The following JAM3 variants were observed in gnomAD, a reference collection of about 807,000 sequenced individuals.
JAM3 encodes junctional adhesion molecule C.
A neutral mutation model predicts 39.4 loss-of-function variants in JAM3; 31 were observed. The ratio of observed to expected loss-of-function variants is 0.79; its 90% CI spans 0.59 to 1.06. JAM3 has a LOEUF of 1.06. Ranked by LOEUF, JAM3 falls within the 50% of genes least tolerant of loss-of-function variation. JAM3 has a pLI of 0.00. For synonymous variants in JAM3, 182 were observed against 148.7 expected (o/e 1.22, Z -1.63); for missense variants, 455 against 391.4 (o/e 1.16, Z -1.37).
chr11:134,144,450 G>T, intron 4 of JAM3, 57 bp downstream of exon 4: 1 of 1,595,644 alleles, frequency 6.3e-7, no homozygotes, highest in South Asian at 1.1e-5. Context: ...AGATCAGTTA[G>T]TGTCTTGGTT....
At chr11:134,085,437 A>G (rs1362177780) in intron 1 of JAM3, among the ~76,000 whole-genome samples, 3 of 152,248 alleles carry the variant, frequency 2.0e-5, no homozygotes, top group African/African-American at 7.2e-5. Context: ...TATAGAGACT[A>G]AGGAATTAAT....
At chr11:134,087,845 T>G (rs556761162) in intron 1 of JAM3, among the ~76,000 whole-genome samples, 38 of 152,334 alleles carry the variant, frequency 2.5e-4, no homozygotes, top group East Asian at 1.5e-3. Flanking sequence ...TGTAAACCAG[T>G]GTTTATCAAC....
At chr11:134,077,754 C>A (rs1273814309) in intron 1 of JAM3, among the ~76,000 whole-genome samples, 1 of 144,832 alleles carries the variant, frequency 6.9e-6, no homozygotes, top group Non-Finnish European at 1.5e-5. Context: ...TCAAGTGATT[C>A]TCCTGCCTCA....
chr11:134,113,208 T>C (rs934541942), intron 1 of JAM3, among the ~76,000 whole-genome samples: 2 of 152,012 alleles, frequency 1.3e-5, no homozygotes, highest in Non-Finnish European at 2.9e-5. Flanking sequence ...GGTTTTTTTT[T>C]TTTTTAATAC....
At chr11:134,140,841 A>G in intron 3 of JAM3, 71 bp downstream of exon 3, 2 of 1,546,866 alleles carry the variant, frequency 1.3e-6, no homozygotes, top group Non-Finnish European at 1.7e-6. Context: ...ACTCTTGGCC[A>G]GAAACTTACC....
intron 1 of JAM3, among the ~76,000 whole-genome samples, chr11:134,111,963 A>G (rs1942320476): frequency 6.6e-6 from 1 of 152,204 alleles, no homozygotes; most frequent in Non-Finnish European, 1.5e-5. Flanking sequence ...CACAACCTCC[A>G]TAATCACACT....
intron 1 of JAM3, among the ~76,000 whole-genome samples, chr11:134,131,301 A>T (rs1337775818): frequency 1.3e-5 from 2 of 152,040 alleles, no homozygotes; most frequent in Non-Finnish European, 2.9e-5. Context: ...GACAGTCTTG[A>T]TTATACTCTT....
At position 134,151,517 on chromosome 11, in the gene JAM3, AAGT is replaced by A. The variant is rs1353791186; in HGVS notation, c.*2339_*2341del. On this transcript the variant is annotated 3_prime_UTR_variant, in exon 9 of 9. Transcript: ENST00000299106. ...AGTGCCATGGGAACCAGGTCTGAAA[AAGT>A]AGAGAGAAGTGAAAGTAGAGTCTGG... 2 of 152,202 alleles carry A rather than the reference AAGT, an allele frequency of 1.3e-5. No individual in the cohort carries two copies. The highest frequency in any genetic ancestry group is 2.9e-5 in the Non-Finnish European group (2 of 68,054). The allele number at this position is 152,202 out of a possible 1,614,324, so 9.4% of individuals were successfully genotyped here.
chr11:134,089,598 G>A (rs1941806769), intron 1 of JAM3, among the ~76,000 whole-genome samples: 1 of 152,028 alleles, frequency 6.6e-6, no homozygotes, highest in Non-Finnish European at 1.5e-5. Flanking sequence ...TGAGAATGAT[G>A]GTTTCCAGCT....
intron 1 of JAM3, among the ~76,000 whole-genome samples, chr11:134,100,746 C>G (rs991934300): frequency 1.3e-5 from 2 of 152,104 alleles, no homozygotes; most frequent in Non-Finnish European, 2.9e-5. Context: ...TTATCCCCAT[C>G]GTATGGATGA....
chr11:134,090,387 A>G (rs1941825463), intron 1 of JAM3, among the ~76,000 whole-genome samples: 4 of 152,098 alleles, frequency 2.6e-5, no homozygotes, highest in South Asian at 2.1e-4. Context: ...GCCCATGCCT[A>G]TGTGCTGAAT....
intron 1 of JAM3, among the ~76,000 whole-genome samples, chr11:134,132,864 T>G (rs958087063): frequency 3.4e-4 from 52 of 152,186 alleles, no homozygotes; most frequent in African/African-American, 1.2e-3. Context: ...CTCCAATGAT[T>G]CATCATTTAT....
Position 134,069,541 on chromosome 11 carries a change from T to A in JAM3, c.76+382T>A, listed in dbSNP as rs559781437. ...GCTCCTCCCAGGCGGGGTCCTGTGC[T>A]GGGCGGTGGGCTCATCCCCCGGGTG... is the stretch of plus-strand genomic sequence containing the variant. On this transcript the variant is annotated intron_variant, in intron 1 of 8. Transcript: ENST00000299106. Among the ~76,000 whole-genome samples the A allele has an allele frequency of 6.6e-3, 981 of 149,612 alleles. 6 individuals are homozygous for A. The highest frequency in any genetic ancestry group is 0.011 in the Non-Finnish European group (738 of 67,184).
chr11:134,098,026 C>T (rs553484748), intron 1 of JAM3, among the ~76,000 whole-genome samples: 75 of 152,108 alleles, frequency 4.9e-4, no homozygotes, highest in African/African-American at 1.7e-3. Context: ...TTATGAAGCA[C>T]GCAGGAAACA....
At chr11:134,107,339 G>C (rs985234963) in intron 1 of JAM3, among the ~76,000 whole-genome samples, 1 of 152,086 alleles carries the variant, frequency 6.6e-6, no homozygotes, top group Non-Finnish European at 1.5e-5. Flanking sequence ...TTGTGGGGTT[G>C]GGAGAGGGGG....
chr11:134,087,057 A>T (rs897165053), intron 1 of JAM3, among the ~76,000 whole-genome samples: 1 of 152,072 alleles, frequency 6.6e-6, no homozygotes, highest in African/African-American at 2.4e-5. Flanking sequence ...CTCCTCCCTC[A>T]GTCTCCCAGA....
chr11:134,119,784 G>A (rs929425677), intron 1 of JAM3, among the ~76,000 whole-genome samples: 12 of 152,170 alleles, frequency 7.9e-5, no homozygotes, highest in African/African-American at 2.9e-4. Context: ...AACCCTCCAA[G>A]TTGACACATA....
At chr11:134,095,617 G>A (rs759111275) in intron 1 of JAM3, among the ~76,000 whole-genome samples, 2 of 140,224 alleles carry the variant, frequency 1.4e-5, no homozygotes, top group African/African-American at 2.8e-5. Context: ...GCGACAGAAT[G>A]AGACTCTGTC....
intron 1 of JAM3, among the ~76,000 whole-genome samples, chr11:134,130,087 A>G (rs1347098384): frequency 6.6e-6 from 1 of 152,212 alleles, no homozygotes; most frequent in Admixed American, 6.5e-5. Context: ...AGATGGAATT[A>G]TAAGCACATC....
Sources: gnomAD v4.1 joint callset for allele counts (sites outside exome capture counted in the v4.1 genomes callset) on GRCh38, gnomAD v4.1.1 for gene constraint, MANE v1.5 for transcripts, NCBI Gene and HGNC (gene_info 2026-07-23, HGNC 2026-07-21) for gene names.